FRAS1: variants seen among roughly 807,000 people sequenced by gnomAD.
FRAS1 encodes extracellular matrix organizing protein FRAS1.
A neutral mutation model predicts 435.2 loss-of-function variants in FRAS1; 290 were observed. That is an observed-to-expected ratio of 0.67 (90% CI 0.61 to 0.73). The LOEUF is 0.73. Ranked by LOEUF, FRAS1 falls within the 30% of genes least tolerant of loss-of-function variation. The pLI is 0.00. For missense variants in FRAS1, 4,860 were observed against 5,001.5 expected, an observed-to-expected ratio of 0.97 and a Z score of 0.85; for synonymous variants, 1,800 against 1,851.0, an observed-to-expected ratio of 0.97 and a Z score of 0.71.
chr4:78,182,692 A>C (rs976314929), intron 2 of FRAS1, among the ~76,000 whole-genome samples: 4 of 152,040 alleles, frequency 2.6e-5, no homozygotes, highest in Admixed American at 2.0e-4. Context: ...AGCCTGGCCA[A>C]CGTGGTGAAA....
chr4:78,473,101 TTTCCTCTGTCAAC>T (rs1451078683), intron 52 of FRAS1, among the ~76,000 whole-genome samples: 3 of 152,188 alleles, frequency 2.0e-5, no homozygotes, highest in African/African-American at 7.2e-5. Context: ...AGTCAAAGAC[TTTCCTCTGTCAAC>T]TCTAGGATTT....
In FRAS1 at chr4:78,154,555, A is replaced by G. The variant is rs543845337; in HGVS notation, c.109-82955A>G. Reference sequence around the variant, plus strand: ...GTCTTCATCACTGTACTCTCTTTACACCTAACAGGTTCTAAAGAAACTCAG... The same window carrying G: ...GTCTTCATCACTGTACTCTCTTTACGCCTAACAGGTTCTAAAGAAACTCAG... On this transcript the variant is annotated intron_variant, in intron 2 of 73. Coordinates refer to ENST00000512123, the MANE Select transcript of FRAS1 (RefSeq NM_025074.7). Among the ~76,000 whole-genome samples, 21 of 152,274 alleles carry G rather than the reference A, an allele frequency of 1.4e-4. No individual in the cohort carries two copies. In the South Asian group the frequency reaches 4.4e-3, roughly 32 times the overall value.
intron 68 of FRAS1, among the ~76,000 whole-genome samples, chr4:78,521,968 C>T (rs1209697739): frequency 6.6e-6 from 1 of 152,148 alleles, no homozygotes; most frequent in African/African-American, 2.4e-5. Flanking sequence ...TATTGTTCCA[C>T]AAACGTCTTT....
chr4:78,532,883 C>A (rs1163309403), intron 70 of FRAS1, among the ~76,000 whole-genome samples: 1 of 151,988 alleles, frequency 6.6e-6, no homozygotes, highest in African/African-American at 2.4e-5. Flanking sequence ...TTGATTAATC[C>A]ATTGATGGAC....
chr4:78,277,403 C>G (rs1344361193), intron 9 of FRAS1, among the ~76,000 whole-genome samples: 1 of 152,210 alleles, frequency 6.6e-6, no homozygotes. Context: ...TCTTCTGCAT[C>G]ACTCATGCTG....
At chr4:78,453,824 A>G (rs1319061401) in intron 47 of FRAS1, among the ~76,000 whole-genome samples, 2 of 152,068 alleles carry the variant, frequency 1.3e-5, no homozygotes, top group Non-Finnish European at 2.9e-5. Flanking sequence ...TAAAGGTAGA[A>G]TTATCTTTAT....
intron 2 of FRAS1, among the ~76,000 whole-genome samples, chr4:78,112,564 TG>T (rs1391081192): frequency 6.6e-6 from 1 of 152,098 alleles, no homozygotes; most frequent in Admixed American, 6.6e-5. Flanking sequence ...ACTCCAGAAA[TG>T]GCTTGTGAAA....
chr4:78,439,353 A>G (rs1176117283), intron 40 of FRAS1, among the ~76,000 whole-genome samples: 2 of 152,218 alleles, frequency 1.3e-5, no homozygotes, highest in African/African-American at 4.8e-5. Flanking sequence ...GAAAAATATT[A>G]TATCTTTGAG....
chr4:78,269,771 C>T (rs1726559482), intron 9 of FRAS1, among the ~76,000 whole-genome samples: 1 of 152,134 alleles, frequency 6.6e-6, no homozygotes, highest in Admixed American at 6.5e-5. Flanking sequence ...AACCTTAATT[C>T]AGGTGAAGAA....
At chr4:78,082,054 A>AT (rs1740921453) in intron 2 of FRAS1, among the ~76,000 whole-genome samples, 1 of 152,040 alleles carries the variant, frequency 6.6e-6, no homozygotes, top group Admixed American at 6.6e-5. Flanking sequence ...TATATCTAAC[A>AT]TTTTTTATCA....
intron 1 of FRAS1, among the ~76,000 whole-genome samples, chr4:78,062,618 A>G (rs551941590): frequency 1.8e-4 from 28 of 152,342 alleles, no homozygotes; most frequent in African/African-American, 6.5e-4. Context: ...TGCAAATTAT[A>G]TCTCAAAATT....
chr4:78,479,390 T>C lies in FRAS1; in HGVS notation c.8115T>C (p.Ile2705=), dbSNP rs774410178. Residue 2705 remains isoleucine (I), a synonymous_variant, in exon 56 of 74, where the codon ATT becomes ATC. Coordinates refer to ENST00000512123, the MANE Select transcript of FRAS1 (RefSeq NM_025074.7). ...PIERKGDASS[I]VSAICYTVPK... ...GTATTTCAGGAGATGCAAGCAGCAT[T>C]GTATCTGCAATTTGCTACACAGTCC... 6.7e-7 allele frequency: 1 copy of C among 1,496,562 alleles called. No individual in the cohort carries two copies. Among genetic ancestry groups the C allele is most frequent in the Admixed American group, 2.2e-5 (1 of 45,702 alleles). The allele number at this position is 1,496,562 out of a possible 1,614,324, so 92.7% of individuals were successfully genotyped here.
intron 2 of FRAS1, among the ~76,000 whole-genome samples, chr4:78,135,435 T>C (rs1719880365): frequency 6.6e-6 from 1 of 152,176 alleles, no homozygotes; most frequent in African/African-American, 2.4e-5. Context: ...CATTTGAAAT[T>C]ATTAATGACA....
intron 33 of FRAS1, among the ~76,000 whole-genome samples, chr4:78,420,895 TATATATATATATATATATATATA>T: frequency 1.8e-5 from 1 of 54,750 alleles, no homozygotes; most frequent in Middle Eastern, 7.9e-3. Context: ...TATATATATA[TATATATATATATATATATATATA>T]TATTTATATA....
intron 2 of FRAS1, among the ~76,000 whole-genome samples, chr4:78,118,332 G>T (rs1718784070): frequency 6.6e-6 from 1 of 152,140 alleles, no homozygotes; most frequent in Admixed American, 6.5e-5. Flanking sequence ...CTGCGTGCTG[G>T]GAGAACCACT....
At chr4:78,371,602 GATAAT>G (rs1393644532) in intron 23 of FRAS1, among the ~76,000 whole-genome samples, 4 of 152,102 alleles carry the variant, frequency 2.6e-5, no homozygotes, top group African/African-American at 9.7e-5. Flanking sequence ...GAGAAACCAG[GATAAT>G]ATAGATAAAA....
chr4:78,455,145 C>T (rs569822759), intron 47 of FRAS1, among the ~76,000 whole-genome samples: 13 of 152,226 alleles, frequency 8.5e-5, no homozygotes, highest in East Asian at 5.8e-4. Context: ...GCTAATAAAA[C>T]GGACTTCCCT....
intron 2 of FRAS1, among the ~76,000 whole-genome samples, chr4:78,164,819 A>T (rs1433770358): frequency 6.6e-6 from 1 of 152,188 alleles, no homozygotes; most frequent in Non-Finnish European, 1.5e-5. Context: ...ACTAGCCTAA[A>T]CACAGTCTAA....
intron 2 of FRAS1, among the ~76,000 whole-genome samples, chr4:78,074,506 C>T (rs1217560542): frequency 6.6e-6 from 1 of 152,250 alleles, no homozygotes; most frequent in East Asian, 1.9e-4. Context: ...GTGATTGGAT[C>T]TATGGAGAAT....
Sources: allele counts gnomAD v4.1 joint callset (sites outside exome capture counted in the v4.1 genomes callset), GRCh38; gene constraint gnomAD v4.1.1; transcripts MANE v1.5; gene names NCBI Gene and HGNC (gene_info 2026-07-23, HGNC 2026-07-21).